Variants in GRB10 observed in about 807,000 individuals in gnomAD.
GRB10 encodes the protein growth factor receptor bound protein 10.
GRB10 carries 20 observed loss-of-function variants against 80.9 expected under a neutral mutation model. The ratio of observed to expected loss-of-function variants is 0.25; its 90% CI spans 0.17 to 0.36. GRB10 has a LOEUF of 0.36. Among genes scored for constraint, GRB10 ranks in the 10% least tolerant of loss-of-function variants. The pLI, the probability that GRB10 is intolerant of heterozygous loss-of-function variation, is 1.00. For missense variants in GRB10, 548 were observed against 747.7 expected (o/e 0.73, Z 3.12); for synonymous variants, 291 against 291.5 (o/e 1.00, Z 0.02).
intron 5 of GRB10, among the ~76,000 whole-genome samples, chr7:50,686,946 CCTTT>C (rs1371231575): frequency 6.6e-6 from 1 of 152,184 alleles, no homozygotes; most frequent in Non-Finnish European, 1.5e-5. Flanking sequence ...TAGATACCTT[CCTTT>C]GTCAGTGAAC....
intron 2 of GRB10, among the ~76,000 whole-genome samples, chr7:50,767,666 C>T (rs1341371489): frequency 1.3e-5 from 2 of 152,222 alleles, no homozygotes; most frequent in Non-Finnish European, 2.9e-5. Flanking sequence ...TACATTTCAG[C>T]TCCCAACCCA....
intron 3 of GRB10, among the ~76,000 whole-genome samples, chr7:50,751,952 T>C (rs959532914): frequency 5.3e-5 from 8 of 152,328 alleles, no homozygotes; most frequent in South Asian, 2.1e-4. Context: ...ATATGTAACC[T>C]CTTTTTATGT....
intron 7 of GRB10, among the ~76,000 whole-genome samples, chr7:50,667,140 A>G (rs1449088545): frequency 6.6e-6 from 1 of 151,678 alleles, no homozygotes; most frequent in Admixed American, 6.6e-5. Context: ...GGCAAGAATG[A>G]TTTTTCCTTT....
intron 7 of GRB10, among the ~76,000 whole-genome samples, chr7:50,629,070 G>A (rs1314341565): frequency 6.6e-6 from 1 of 152,172 alleles, no homozygotes; most frequent in Non-Finnish European, 1.5e-5. Context: ...CAGGACCAGT[G>A]CATGCCTTCT....
At chr7:50,647,568 G>T (rs192184983) in intron 7 of GRB10, among the ~76,000 whole-genome samples, 1 of 152,224 alleles carries the variant, frequency 6.6e-6, no homozygotes, top group Non-Finnish European at 1.5e-5. Context: ...TTCAAGTAGG[G>T]GAGATAGACA....
intron 4 of GRB10, among the ~76,000 whole-genome samples, chr7:50,716,827 C>A (rs545223251): frequency 3.0e-4 from 45 of 152,240 alleles, no homozygotes; most frequent in Middle Eastern, 3.4e-3. Context: ...GTAGGAGCAC[C>A]CTATGAAGAC....
chr7:50,718,364 A>G (rs1178579184), intron 4 of GRB10, among the ~76,000 whole-genome samples: 1 of 152,130 alleles, frequency 6.6e-6, no homozygotes. Flanking sequence ...TGCAGAAATC[A>G]GTCAGCCTCC....
chr7:50,757,720 C>T (rs1485376057), intron 2 of GRB10, among the ~76,000 whole-genome samples: 1 of 152,218 alleles, frequency 6.6e-6, no homozygotes, highest in Admixed American at 6.5e-5. Flanking sequence ...GGGTCTGTGA[C>T]ATGGCAATGG....
chr7:50,674,507 C>A lies in GRB10; in HGVS notation c.291G>T (p.Arg97=), dbSNP rs569370123. 6.2e-7 allele frequency: 1 copy of A among 1,609,710 alleles called. No individual in the cohort carries two copies. The highest frequency in any genetic ancestry group is 1.1e-5 in the South Asian group (1 of 91,076). ...TCGGGGACACCTGTGGCTGGATGGA[C>A]CGAGGAGGGCCTGAAGCCCGAGGCT... is the stretch of plus-strand genomic sequence containing the variant. ...RSQPRASGPP[R]SIQPQVSPRQ... is the part of the protein sequence containing the mutation. Residue 97 remains arginine (R), a synonymous_variant, in exon 6 of 19, where the codon CGG becomes CGT. Coordinates refer to ENST00000401949, the MANE Select transcript of GRB10 (RefSeq NM_001350814.2).
intron 4 of GRB10, chr7:50,710,739 G>T: frequency 1.1e-6 from 1 of 906,726 alleles, no homozygotes; most frequent in Non-Finnish European, 1.8e-6. Context: ...CCTCACCTTC[G>T]GGGTATCTCC....
At position 50,598,868 on chromosome 7, in the gene GRB10, G is replaced by A. The variant is rs146072819; in HGVS notation, c.1545-3338C>T. On this transcript the variant is annotated intron_variant, in intron 17 of 18. Transcript: ENST00000401949. ...TGGAGGGGCATGAAGTGCAGACAGA[G>A]GGACTGCACAGGCAGATGACACAGG... is the stretch of plus-strand genomic sequence containing the variant. 7.5e-3 allele frequency among the ~76,000 whole-genome samples: 1,140 copies of A among 152,276 alleles called. 14 individuals carry two copies. The highest frequency in any genetic ancestry group is 0.026 in the African/African-American group (1,086 of 41,554).
intron 3 of GRB10, among the ~76,000 whole-genome samples, chr7:50,742,444 C>T (rs1355826647): frequency 6.6e-6 from 1 of 152,160 alleles, no homozygotes. Flanking sequence ...AACCAGGATC[C>T]TACAAGTCCT....
intron 11 of GRB10, among the ~76,000 whole-genome samples, chr7:50,615,155 A>T (rs113302905): frequency 1.9e-3 from 293 of 152,304 alleles, no homozygotes; most frequent in Non-Finnish European, 3.3e-3. Context: ...CCATGACCGG[A>T]TATTCAAGAT....
At chr7:50,723,167 T>C (rs958556253) in intron 4 of GRB10, among the ~76,000 whole-genome samples, 3 of 152,238 alleles carry the variant, frequency 2.0e-5, no homozygotes, top group Non-Finnish European at 2.9e-5. Context: ...TAGCTTTTTT[T>C]TCTTTAAAAA....
intron 8 of GRB10, among the ~76,000 whole-genome samples, chr7:50,625,563 T>C (rs2052727416): frequency 1.3e-5 from 2 of 152,216 alleles, no homozygotes; most frequent in Non-Finnish European, 2.9e-5. Context: ...ACGGGACAGC[T>C]AGTCTCCATG....
chr7:50,659,484 A>G (rs1405734317), intron 7 of GRB10, among the ~76,000 whole-genome samples: 2 of 152,178 alleles, frequency 1.3e-5, no homozygotes, highest in Admixed American at 6.5e-5. Context: ...CTCAAATGCA[A>G]TGCTCACAGT....
chr7:50,598,669 C>G (rs548242096), intron 17 of GRB10, among the ~76,000 whole-genome samples: 1 of 152,200 alleles, frequency 6.6e-6, no homozygotes, highest in Non-Finnish European at 1.5e-5. Context: ...CAAGGTCACA[C>G]AGCCAGTCAT....
At chr7:50,775,439 G>C (rs1227859228) in intron 2 of GRB10, among the ~76,000 whole-genome samples, 1 of 152,170 alleles carries the variant, frequency 6.6e-6, no homozygotes, top group African/African-American at 2.4e-5. Flanking sequence ...ACAGGTTGCA[G>C]TTGGGTACCT....
At chr7:50,656,892 T>G (rs1349276613) in intron 7 of GRB10, among the ~76,000 whole-genome samples, 2 of 152,180 alleles carry the variant, frequency 1.3e-5, no homozygotes, top group African/African-American at 4.8e-5. Flanking sequence ...AACCTTTTAG[T>G]AGGAATCTGA....
Sources: gnomAD v4.1 joint callset for allele counts (sites outside exome capture counted in the v4.1 genomes callset) on GRCh38, gnomAD v4.1.1 for gene constraint, MANE v1.5 for transcripts, NCBI Gene and HGNC (gene_info 2026-07-23, HGNC 2026-07-21) for gene names.